The following DLC1 variants were observed in gnomAD, a reference collection of about 807,000 sequenced individuals.
DLC1 encodes DLC1 Rho GTPase activating protein, also known as rho GTPase-activating protein 7.
In DLC1, 54 loss-of-function variants were observed where a neutral mutation model predicts 140.3. The observed-to-expected ratio is 0.38, with a 90% CI of 0.31 to 0.48. DLC1 has a LOEUF of 0.48. Ranked by LOEUF, DLC1 falls within the 20% of genes least tolerant of loss-of-function variation. The pLI is 0.96. For missense variants in DLC1, 2,536 were observed against 1,907.0 expected (o/e 1.33, Z -6.14); for synonymous variants, 986 against 728.1 (o/e 1.35, Z -5.70).
intron 2 of DLC1, among the ~76,000 whole-genome samples, chr8:13,496,212 A>T (rs917524106): frequency 2.6e-5 from 4 of 152,220 alleles, no homozygotes; most frequent in African/African-American, 9.6e-5. Context: ...ATTAGACATC[A>T]ACTAGATTAG....
chr8:13,332,921 G>A (rs1833659962), intron 4 of DLC1, among the ~76,000 whole-genome samples: 1 of 151,970 alleles, frequency 6.6e-6, no homozygotes, highest in Non-Finnish European at 1.5e-5. Flanking sequence ...GTTCTCGGAT[G>A]CCAAAATCTC....
intron 5 of DLC1, among the ~76,000 whole-genome samples, chr8:13,187,108 G>A (rs117383106): frequency 0.011 from 1,707 of 152,100 alleles, 13 homozygotes; most frequent in South Asian, 0.037. Context: ...TATTTCAAAC[G>A]TCACTCACAT....
chr8:13,415,401 A>ATT (rs34742397), intron 2 of DLC1, among the ~76,000 whole-genome samples: 5 of 139,266 alleles, frequency 3.6e-5, no homozygotes, highest in Non-Finnish European at 6.3e-5. Context: ...AAAATATTTA[A>ATT]TTTTTTTTTT....
chr8:13,403,341 G>C (rs1383525336), intron 2 of DLC1, among the ~76,000 whole-genome samples: 1 of 152,160 alleles, frequency 6.6e-6, no homozygotes, highest in Admixed American at 6.5e-5. Flanking sequence ...ATTCAAAGAA[G>C]TGTTATTGAT....
At chr8:13,317,003 A>C (rs890771331) in intron 4 of DLC1, among the ~76,000 whole-genome samples, 1 of 152,020 alleles carries the variant, frequency 6.6e-6, no homozygotes, top group Non-Finnish European at 1.5e-5. Context: ...TCCTATGTGG[A>C]GAGTTATGTG....
At chr8:13,330,115 C>A (rs540877772) in intron 4 of DLC1, among the ~76,000 whole-genome samples, 3 of 152,110 alleles carry the variant, frequency 2.0e-5, no homozygotes, top group Non-Finnish European at 4.4e-5. Context: ...CAGGTGCACA[C>A]CACAATGTCT....
intron 5 of DLC1, among the ~76,000 whole-genome samples, chr8:13,151,874 T>TA (rs1554451449): frequency 6.6e-6 from 1 of 152,098 alleles, no homozygotes; most frequent in Admixed American, 6.6e-5. Context: ...TTATTTTTTT[T>TA]AAAAAAAGAA....
intron 5 of DLC1, among the ~76,000 whole-genome samples, chr8:13,294,145 T>G (rs991518998): frequency 6.6e-6 from 1 of 152,206 alleles, no homozygotes; most frequent in Non-Finnish European, 1.5e-5. Context: ...CCACCAATGA[T>G]CTTTTGACTG....
intron 1 of DLC1, among the ~76,000 whole-genome samples, chr8:13,594,939 A>G (rs1260699880): frequency 6.6e-6 from 1 of 150,902 alleles, no homozygotes; most frequent in African/African-American, 2.4e-5. Context: ...CAATGTGACT[A>G]TTGATTGATT....
chr8:13,432,720 T>C (rs1259363190), intron 2 of DLC1, among the ~76,000 whole-genome samples: 1 of 152,180 alleles, frequency 6.6e-6, no homozygotes, highest in Non-Finnish European at 1.5e-5. Context: ...AACTAGGAGA[T>C]GACTAGTGAC....
intron 2 of DLC1, among the ~76,000 whole-genome samples, chr8:13,480,997 C>G (rs990686446): frequency 5.3e-5 from 8 of 151,844 alleles, no homozygotes; most frequent in Admixed American, 2.6e-4. Flanking sequence ...GGCCAAGAGG[C>G]CAGTTAAGAA....
At chr8:13,567,767 G>C (rs956633330) in intron 1 of DLC1, 25 of 1,551,844 alleles carry the variant, frequency 1.6e-5, no homozygotes, top group Non-Finnish European at 2.1e-5. Flanking sequence ...GATGACCCCA[G>C]AATAATCTGG....
intron 4 of DLC1, among the ~76,000 whole-genome samples, chr8:13,347,664 C>T (rs1671336): frequency 1 from 151,934 of 152,320 alleles, 75,775 homozygotes; most frequent in Middle Eastern, 1. Context: ...TTCCAGGATG[C>T]CTGGGCCATA....
At chr8:13,343,028 T>A (rs1246055769) in intron 4 of DLC1, among the ~76,000 whole-genome samples, 1 of 152,172 alleles carries the variant, frequency 6.6e-6, no homozygotes, top group Admixed American at 6.6e-5. Context: ...ATTTTCCCGT[T>A]AACGTTAATC....
At chr8:13,121,337 C>T (rs1442044132) in intron 5 of DLC1, among the ~76,000 whole-genome samples, 6 of 152,140 alleles carry the variant, frequency 3.9e-5, no homozygotes, top group Non-Finnish European at 2.9e-5. Flanking sequence ...TACTGCTTAT[C>T]AATTCTGATG....
chr8:13,134,313 T>C (rs1822390086), intron 5 of DLC1, among the ~76,000 whole-genome samples: 1 of 152,214 alleles, frequency 6.6e-6, no homozygotes, highest in South Asian at 2.1e-4. Context: ...AACTCATTCA[T>C]TCAACAAATA....
At chr8:13,292,660 C>G (rs140926468) in intron 5 of DLC1, among the ~76,000 whole-genome samples, 4 of 152,042 alleles carry the variant, frequency 2.6e-5, no homozygotes, top group African/African-American at 9.7e-5. Context: ...ATGCTCCCCA[C>G]GTCCTACGTA....
intron 4 of DLC1, chr8:13,339,479 A>G (rs1397878215): frequency 6.6e-6 from 1 of 152,212 alleles, no homozygotes; most frequent in Non-Finnish European, 1.5e-5. Flanking sequence ...CACACCAGGC[A>G]ACAGATTACA....
chr8:13,127,071 C>T (rs531913890), intron 5 of DLC1, among the ~76,000 whole-genome samples: 4 of 152,202 alleles, frequency 2.6e-5, no homozygotes, highest in Non-Finnish European at 5.9e-5. Flanking sequence ...AAACACTATT[C>T]AACTAGACGT....
Sources: gnomAD v4.1 joint callset for allele counts (sites outside exome capture counted in the v4.1 genomes callset) on GRCh38, gnomAD v4.1.1 for gene constraint, MANE v1.5 for transcripts, NCBI Gene and HGNC (gene_info 2026-07-23, HGNC 2026-07-21) for gene names.